Variants in FZD8 observed in about 807,000 individuals in gnomAD.
FZD8 encodes the protein frizzled-8.
A neutral mutation model predicts 46.0 loss-of-function variants in FZD8; 18 were observed. The ratio of observed to expected loss-of-function variants is 0.39; its 90% CI spans 0.27 to 0.58. FZD8 has a LOEUF of 0.58. Among genes scored for constraint, FZD8 ranks in the 20% least tolerant of loss-of-function variants. FZD8 has a pLI of 0.55. For missense variants in FZD8, 785 were observed against 983.4 expected (o/e 0.80, Z 2.70); for synonymous variants, 586 against 467.9 (o/e 1.25, Z -3.26).
rs1434319597 is a variant in FZD8, at chr10:35,639,492, GCCCCCCGGCCCGCCGCCA to G, written c.1920_1937del (p.Pro644_Gly649del). 20 of 926,026 alleles carry G rather than the reference GCCCCCCGGCCCGCCGCCA, an allele frequency of 2.2e-5. No homozygotes were observed. The highest frequency in any genetic ancestry group is 7.3e-5 in the African/African-American group (4 of 54,764). The allele number at this position is 926,026 out of a possible 1,614,324, so 57.4% of individuals were successfully genotyped here. A position where few individuals can be genotyped will look rare whatever the true frequency, so the allele number is the denominator to read the frequency against. On this transcript the variant is annotated inframe_deletion, in exon 1 of 1. Coordinates refer to ENST00000374694, the MANE Select transcript of FZD8 (RefSeq NM_031866.3). ...CGCCGCCGGGTCCCCCGCCGCCGCC[GCCCCCCGGCCCGCCGCCA>G]CCCCCCGCGGCCGTGGCGCCCGCGC...
rs767386973 is a variant in FZD8, at chr10:35,639,728, G to A, written c.1702C>T (p.Pro568Ser). 3 of 1,599,916 alleles carry A rather than the reference G, an allele frequency of 1.9e-6. No homozygotes were observed. Among genetic ancestry groups the A allele is most frequent in the South Asian group, 2.2e-5 (2 of 91,068 alleles). Residue 568 changes from proline to serine, a missense_variant, in exon 1 of 1, where the codon CCG (proline) becomes TCG (serine). Coordinates refer to ENST00000374694, the MANE Select transcript of FZD8 (RefSeq NM_031866.3). ...RPRWEATHNC[P>S]CLRDLQPDQA... is the part of the protein sequence containing the mutation. The stretch of plus-strand genomic sequence containing the variant: ...TCGGGCTGCAGGTCCCGCAGGCACG[G>A]GCAGTTGTGCGTGGCCTCCCAGCGC...
chr10:35,640,324 C>CCGCCCGCGCCCGCGCCCGCCG lies in FZD8; in HGVS notation c.1085_1105dup (p.Ala362_Gly368dup), dbSNP rs771432320. On this transcript the variant is annotated inframe_insertion, in exon 1 of 1. Transcript: ENST00000374694. ...CTCGTACTCGCCGCGCCCGCCCGGG[C>CCGCCCGCGCCCGCGCCCGCCG]CGCCCGCGCCCGCGCCCGCCGCGCC... is the stretch of plus-strand genomic sequence containing the variant. 1.4e-5 allele frequency: 15 copies of CCGCCCGCGCCCGCGCCCGCCG among 1,105,748 alleles called. No homozygotes were observed. Among genetic ancestry groups the CCGCCCGCGCCCGCGCCCGCCG allele is most frequent in the Admixed American group, 4.8e-5 (1 of 21,040 alleles). 68.5% of individuals were successfully genotyped at this position (1,105,748 alleles called of 1,614,324 possible).
rs1219603294 is a variant in FZD8, at chr10:35,640,566, G to A, written c.864C>T (p.Cys288=). The change falls in exon 1 of 1, where the codon TGC becomes TGT. Residue 288 remains cysteine (C), a synonymous_variant. Transcript: ENST00000374694. ...VFWIGLWSVL[C]FVSTFATVST... is the part of the protein sequence containing the mutation. ...AGACGGTGGCGAAGGTGGACACGAA[G>A]CAGAGCACCGACCACAGGCCGATCC... 1.3e-6 allele frequency: 2 copies of A among 1,584,902 alleles called. No homozygotes were observed. The highest frequency in any genetic ancestry group is 1.4e-5 in the African/African-American group (1 of 73,842).
In FZD8 at chr10:35,641,487, G is replaced by C. The variant is rs1588706785; in HGVS notation, c.-58C>G. 9.7e-6 allele frequency: 13 copies of C among 1,334,710 alleles called. No individual in the cohort carries two copies. The East Asian group carries it at 1.1e-4, about 12-fold the overall frequency. The allele number at this position is 1,334,710 out of a possible 1,614,324, so 82.7% of individuals were successfully genotyped here. On this transcript the variant is annotated 5_prime_UTR_variant, in exon 1 of 1. Coordinates refer to ENST00000374694, the MANE Select transcript of FZD8 (RefSeq NM_031866.3). This position sits in a 1 kb window ranked among gnomAD's most constrained non-coding sequence, Gnocchi z 6.3. ...CAGGCGGCGCGCAGAGGGGTGCCGG[G>C]GGGGGGGCCCACGAGAGAGCCGCAG...
Position 35,638,365 on chromosome 10 carries a change from T to C in FZD8, c.*980A>G, listed in dbSNP as rs1352. ...TAAAGTGAGAGTTGTTATCCATGGA[T>C]CAGAAAAGAGCTCCCATGAAAAACA... On this transcript the variant is annotated 3_prime_UTR_variant, in exon 1 of 1. Transcript: ENST00000374694. The C allele has an allele frequency of 0.021, 3,184 of 152,642 alleles. 50 individuals carry two copies. Among genetic ancestry groups the C allele is most frequent in the Non-Finnish European group, 0.031 (2,088 of 68,028 alleles). The allele number at this position is 152,642 out of a possible 1,614,324, so 9.5% of individuals were successfully genotyped here.
rs1484462867 is a variant in FZD8 at position 35,639,510 on chromosome 10, AC to A, written c.1919del (p.Gly640ValfsTer34). 3.4e-6 allele frequency: 3 copies of A among 890,910 alleles called. No individual in the cohort carries two copies. The highest frequency in any genetic ancestry group is 4.1e-6 in the Non-Finnish European group (3 of 731,798). 55.2% of individuals were successfully genotyped at this position (890,910 alleles called of 1,614,324 possible). A position where few individuals can be genotyped will look rare whatever the true frequency, so the allele number is the denominator to read the frequency against. On this transcript the variant is annotated frameshift_variant, in exon 1 of 1. Coordinates refer to ENST00000374694, the MANE Select transcript of FZD8 (RefSeq NM_031866.3). LOFTEE classifies it high-confidence loss of function. The part of the protein sequence containing the change: ...GGGAGATAAG[G>X]GGGPGGGGGG... ...CGCCGCCGCCCCCCGGCCCGCCGCC[AC>A]CCCCCGCGGCCGTGGCGCCCGCGCC... is the stretch of plus-strand genomic sequence containing the variant.
chr10:35,640,301 C>T lies in FZD8; in HGVS notation c.1129G>A (p.Glu377Lys). The T allele has an allele frequency of 6.7e-7, 1 of 1,496,796 alleles. No homozygotes were observed. Among genetic ancestry groups the T allele is most frequent in the Non-Finnish European group, 8.9e-7 (1 of 1,121,862 alleles). The allele number at this position is 1,496,796 out of a possible 1,614,324, so 92.7% of individuals were successfully genotyped here. ...AGGPGGRGEY[E>K]ELGAVEQHVR... ...TGCTGCTCCACCGCGCCCAGCTCCT[C>T]GTACTCGCCGCGCCCGCCCGGGCCG... is the stretch of plus-strand genomic sequence containing the variant. The change falls in exon 1 of 1, where the codon GAG (glutamate) becomes AAG (lysine). Residue 377 changes from glutamate to lysine, a missense_variant. This residue lies in a region of FZD8 where 88 missense variants were observed against 83.6 expected (regional missense o/e 1.05). Transcript: ENST00000374694.
Position 35,641,270 on chromosome 10 carries a change from G to T in FZD8, c.160C>A (p.Pro54Thr). ...KGIGYNYTYM[P>T]NQFNHDTQDE... ...TGCGTGTCGTGGTTGAACTGATTGGGCATGTAGGTGTAGTTGTAGCCGATG... is the reference window on the plus strand; with the variant it reads ...TGCGTGTCGTGGTTGAACTGATTGGTCATGTAGGTGTAGTTGTAGCCGATG... The change falls in exon 1 of 1, where the codon CCC becomes ACC. Residue 54 changes from proline to threonine, a missense_variant. Pro to Thr is a conservative substitution (Grantham distance 38). Transcript: ENST00000374694. This position sits in a 1 kb window ranked among gnomAD's most constrained non-coding sequence, Gnocchi z 6.3. 1 of 1,614,078 alleles carries T rather than the reference G, an allele frequency of 6.2e-7. No homozygotes were observed. The highest frequency in any genetic ancestry group is 8.5e-7 in the Non-Finnish European group (1 of 1,179,956).
In FZD8 at chr10:35,641,122, G is replaced by A; in HGVS notation, c.308C>T (p.Pro103Leu). 1 of 1,612,754 alleles carries A rather than the reference G, an allele frequency of 6.2e-7. No individual in the cohort carries two copies. Among genetic ancestry groups the A allele is most frequent in the Non-Finnish European group, 8.5e-7 (1 of 1,179,740 alleles). The stretch of plus-strand genomic sequence containing the variant: ...GCACACCGAGCGGCAGGGCGGCAGC[G>A]GCTTCTTGTAGTCCTCTAGGCAGAT... ...TPICLEDYKK[P>L]LPPCRSVCER... The change falls in exon 1 of 1, where the codon CCG becomes CTG. Residue 103 changes from proline to leucine, a missense_variant. Coordinates refer to ENST00000374694, the MANE Select transcript of FZD8 (RefSeq NM_031866.3). The surrounding 1 kb of genome is among the most constrained non-coding windows in gnomAD (Gnocchi z 6.3).
Position 35,639,953 on chromosome 10 carries a change from G to A in FZD8, c.1477C>T (p.Leu493Phe). The A allele has an allele frequency of 1.9e-6, 3 of 1,613,194 alleles. No individual in the cohort carries two copies. The highest frequency in any genetic ancestry group is 2.5e-6 in the Non-Finnish European group (3 of 1,179,918). ...GFVLAPLVIY[L>F]FIGTMFLLAG... is the part of the protein sequence containing the mutation. ...AGCAGGAACATGGTGCCGATGAAGA[G>A]GTAGATGACCAGCGGCGCCAGCACG... The change falls in exon 1 of 1, where the codon CTC becomes TTC. Residue 493 changes from leucine to phenylalanine, a missense_variant. Physicochemically the swap from Leu to Phe is conservative, Grantham distance 22 (BLOSUM62 0). This residue lies in a region of FZD8 where 147 missense variants were observed against 242.5 expected (regional missense o/e 0.61). Transcript: ENST00000374694.
rs1217017655 is a variant in FZD8 at position 35,638,908 on chromosome 10, C to T, written c.*437G>A. ...GCAATCCCATCAGGTGGCGGTCACC[C>T]CTCCTCCAGGGTAAGTCAGGGGTGG... On this transcript the variant is annotated 3_prime_UTR_variant, in exon 1 of 1. Transcript: ENST00000374694. 1.3e-5 allele frequency: 2 copies of T among 152,722 alleles called. No homozygotes were observed. Among genetic ancestry groups the T allele is most frequent in the African/African-American group, 4.8e-5 (2 of 41,420 alleles). The allele number at this position is 152,722 out of a possible 1,614,324, so 9.5% of individuals were successfully genotyped here. A position where few individuals can be genotyped will look rare whatever the true frequency, so the allele number is the denominator to read the frequency against.
At position 35,639,758 on chromosome 10, in the gene FZD8, G is replaced by C; in HGVS notation, c.1672C>G (p.Arg558Gly). 1 of 1,600,794 alleles carries C rather than the reference G, an allele frequency of 6.2e-7. No homozygotes were observed. Among genetic ancestry groups the C allele is most frequent in the Non-Finnish European group, 8.5e-7 (1 of 1,179,790 alleles). The part of the protein sequence containing the change: ...VACLFYEQHN[R>G]PRWEATHNCP... ...TTGTGCGTGGCCTCCCAGCGCGGGC[G>C]GTTGTGCTGCTCGTAGAAGAGGCAG... is the stretch of plus-strand genomic sequence containing the variant. The change falls in exon 1 of 1, where the codon CGC becomes GGC. Residue 558 changes from arginine to glycine, a missense_variant. Coordinates refer to ENST00000374694, the MANE Select transcript of FZD8 (RefSeq NM_031866.3).
Position 35,639,522 on chromosome 10 carries a change from C to T in FZD8, c.1908G>A (p.Thr636=), listed in dbSNP as rs570231137. 4.2e-6 allele frequency: 5 copies of T among 1,185,084 alleles called. No individual in the cohort carries two copies. The highest frequency in any genetic ancestry group is 5.2e-6 in the Non-Finnish European group (5 of 953,112). The allele number at this position is 1,185,084 out of a possible 1,614,324, so 73.4% of individuals were successfully genotyped here. Residue 636 remains threonine (T), a synonymous_variant, in exon 1 of 1, where the codon ACG becomes ACA. Coordinates refer to ENST00000374694, the MANE Select transcript of FZD8 (RefSeq NM_031866.3). Reference sequence around the variant, plus strand: ...CCGGCCCGCCGCCACCCCCCGCGGCCGTGGCGCCCGCGCCCCCGCCCACCG... The same window carrying T: ...CCGGCCCGCCGCCACCCCCCGCGGCTGTGGCGCCCGCGCCCCCGCCCACCG... The part of the protein sequence containing the change: ...GAAVGGGAGA[T]AAGGGGGPGG...
In FZD8 at chr10:35,639,801, G is replaced by A. The variant is rs148375306; in HGVS notation, c.1629C>T (p.Pro543=). The A allele has an allele frequency of 7.5e-6, 12 of 1,602,764 alleles. No homozygotes were observed. Among genetic ancestry groups the A allele is most frequent in the African/African-American group, 4.0e-5 (3 of 74,868 alleles). Residue 543 remains proline, a synonymous_variant, in exon 1 of 1, where the codon CCC becomes CCT. Coordinates refer to ENST00000374694, the MANE Select transcript of FZD8 (RefSeq NM_031866.3). The part of the protein sequence containing the change: ...LGLFTVLYTV[P]AAVVVACLFY... ...AGAGGCAGGCGACCACCACCGCGGCGGGCACGGTGTAGAGCACGGTGAACA... is the reference window on the plus strand; with the variant it reads ...AGAGGCAGGCGACCACCACCGCGGCAGGCACGGTGTAGAGCACGGTGAACA...
Position 35,640,569 on chromosome 10 carries a change from G to C in FZD8, c.861C>G (p.Leu287=), listed in dbSNP as rs773601700. 114 of 1,585,754 alleles carry C rather than the reference G, an allele frequency of 7.2e-5. No individual in the cohort carries two copies. The highest frequency in any genetic ancestry group is 9.5e-5 in the Non-Finnish European group (111 of 1,163,746). The change falls in exon 1 of 1, where the codon CTC becomes CTG. Residue 287 remains leucine, a synonymous_variant. Coordinates refer to ENST00000374694, the MANE Select transcript of FZD8 (RefSeq NM_031866.3). ...TVFWIGLWSV[L]CFVSTFATVS... Reference sequence around the variant, plus strand: ...CGGTGGCGAAGGTGGACACGAAGCAGAGCACCGACCACAGGCCGATCCAGA... The same window carrying C: ...CGGTGGCGAAGGTGGACACGAAGCACAGCACCGACCACAGGCCGATCCAGA...
chr10:35,639,962 C>G lies in FZD8; in HGVS notation c.1468G>C (p.Val490Leu). ...ATGGTGCCGATGAAGAGGTAGATGA[C>G]CAGCGGCGCCAGCACGAAGCCGCGC... is the stretch of plus-strand genomic sequence containing the variant. The part of the protein sequence containing the change: ...NLRGFVLAPL[V>L]IYLFIGTMFL... The change falls in exon 1 of 1, where the codon GTC becomes CTC. Residue 490 changes from valine (V) to leucine (L), a missense_variant. Transcript: ENST00000374694. 1 of 1,612,946 alleles carries G rather than the reference C, an allele frequency of 6.2e-7. No homozygotes were observed. The highest frequency in any genetic ancestry group is 2.2e-5 in the East Asian group (1 of 44,838).
At position 35,641,825 on chromosome 10, in the gene FZD8, G is replaced by C. The variant is rs1835870411; in HGVS notation, c.-396C>G. On this transcript the variant is annotated 5_prime_UTR_variant, in exon 1 of 1. Coordinates refer to ENST00000374694, the MANE Select transcript of FZD8 (RefSeq NM_031866.3). This position sits in a 1 kb window ranked among gnomAD's most constrained non-coding sequence, Gnocchi z 6.3. ...CCGACCACTTCTCCCCGCCGCGCCG[G>C]GCGGCGGTGACTCCGCCGGACAGAG... 6.3e-6 allele frequency: 1 copy of C among 159,456 alleles called. No homozygotes were observed. The highest frequency in any genetic ancestry group is 6.5e-5 in the Admixed American group (1 of 15,396). The allele number at this position is 159,456 out of a possible 1,614,324, so 9.9% of individuals were successfully genotyped here.
rs548163640 is a variant in FZD8 at position 35,639,319 on chromosome 10, C to T, written c.*26G>A. 1 of 1,121,822 alleles carries T rather than the reference C, an allele frequency of 8.9e-7. No individual in the cohort carries two copies. Among genetic ancestry groups the T allele is most frequent in the Non-Finnish European group, 1.2e-6 (1 of 817,728 alleles). 69.5% of individuals were successfully genotyped at this position (1,121,822 alleles called of 1,614,324 possible). ...GGCTCTCCTCGCCCCCCTCCCCACC[C>T]CTCCTGGGCGCCCCCTCCCCTCCGC... On this transcript the variant is annotated 3_prime_UTR_variant, in exon 1 of 1. Transcript: ENST00000374694.
rs909127689 is a variant in FZD8 at position 35,640,324 on chromosome 10, C to CCGCCCG, written c.1100_1105dup (p.Ala367_Gly368dup). 78 of 1,105,744 alleles carry CCGCCCG rather than the reference C, an allele frequency of 7.1e-5. No homozygotes were observed. The highest frequency in any genetic ancestry group is 3.3e-4 in the East Asian group (7 of 21,414). The allele number at this position is 1,105,744 out of a possible 1,614,324, so 68.5% of individuals were successfully genotyped here. A position where few individuals can be genotyped will look rare whatever the true frequency, so the allele number is the denominator to read the frequency against. ...CTCGTACTCGCCGCGCCCGCCCGGG[C>CCGCCCG]CGCCCGCGCCCGCGCCCGCCGCGCC... is the stretch of plus-strand genomic sequence containing the variant. On this transcript the variant is annotated inframe_insertion, in exon 1 of 1. Transcript: ENST00000374694.
Sources: gnomAD v4.1 joint callset for allele counts on GRCh38, gnomAD v4.1.1 for gene constraint, gnomAD v4.1.1 regional missense constraint, Gnocchi (gnomAD v3.1) non-coding constraint, MANE v1.5 for transcripts, NCBI Gene and HGNC (gene_info 2026-07-23, HGNC 2026-07-21) for gene names.